CNTNAP2: variants seen among roughly 807,000 people sequenced by gnomAD.
The protein encoded by CNTNAP2 is contactin associated protein 2, also known as contactin-associated protein-like 2.
Under a neutral mutation model 155.2 loss-of-function variants are expected in CNTNAP2, and 98 were observed. The observed-to-expected ratio is 0.63, with a 90% CI of 0.54 to 0.75. The LOEUF is 0.75. CNTNAP2 is among the 30% of genes least tolerant of loss of function. The probability of loss-of-function intolerance (pLI) is 0.00; values close to 1 mark genes in which losing one functional copy is unlikely to be tolerated. For synonymous variants in CNTNAP2, 651 were observed against 631.2 expected (o/e 1.03, Z -0.47); for missense variants, 1,727 against 1,688.1 (o/e 1.02, Z -0.40).
chr7:147,921,629 T>C (rs564654181), intron 14 of CNTNAP2, among the ~76,000 whole-genome samples: 17 of 152,328 alleles, frequency 1.1e-4, no homozygotes, highest in Admixed American at 3.9e-4. Flanking sequence ...CCTGCTATTA[T>C]CATCTTTAGG....
intron 13 of CNTNAP2, among the ~76,000 whole-genome samples, chr7:147,648,982 C>T (rs1157053781): frequency 2.0e-5 from 3 of 152,186 alleles, no homozygotes; most frequent in Non-Finnish European, 2.9e-5. Context: ...TCTTCAACCA[C>T]TATGAAAGAA....
chr7:147,533,114 C>T (rs1799471820), intron 11 of CNTNAP2, among the ~76,000 whole-genome samples: 1 of 152,162 alleles, frequency 6.6e-6, no homozygotes, highest in African/African-American at 2.4e-5. Flanking sequence ...TGTAAGAGAA[C>T]ACATAGATTA....
At chr7:147,276,224 A>T (rs1310536690) in intron 8 of CNTNAP2, among the ~76,000 whole-genome samples, 40 of 148,012 alleles carry the variant, frequency 2.7e-4, no homozygotes, top group Admixed American at 2.6e-3. Flanking sequence ...CTCCTCCTTA[A>T]TTTTTTTTTT....
intron 3 of CNTNAP2, among the ~76,000 whole-genome samples, chr7:146,890,820 A>G (rs1795759529): frequency 6.6e-6 from 1 of 152,154 alleles, no homozygotes; most frequent in Admixed American, 6.6e-5. Context: ...TGTAACTATG[A>G]TCATACATCA....
At chr7:146,866,849 AG>A (rs1223863310) in intron 3 of CNTNAP2, among the ~76,000 whole-genome samples, 1 of 152,166 alleles carries the variant, frequency 6.6e-6, no homozygotes, top group African/African-American at 2.4e-5. Flanking sequence ...ACCTGATAAA[AG>A]TAAACAAGAT....
chr7:146,212,444 G>GT (rs991035516), intron 1 of CNTNAP2, among the ~76,000 whole-genome samples: 1 of 152,064 alleles, frequency 6.6e-6, no homozygotes, highest in Non-Finnish European at 1.5e-5. Flanking sequence ...TTCAGCCCAG[G>GT]TATGTACCCT....
intron 18 of CNTNAP2, among the ~76,000 whole-genome samples, chr7:148,216,619 A>G (rs933199664): frequency 6.6e-6 from 1 of 152,130 alleles, no homozygotes; most frequent in African/African-American, 2.4e-5. Flanking sequence ...GAGTACATGA[A>G]ATTTTTTTCA....
chr7:147,801,337 T>G (rs1421500370), intron 13 of CNTNAP2, among the ~76,000 whole-genome samples: 1 of 150,982 alleles, frequency 6.6e-6, no homozygotes, highest in East Asian at 1.9e-4. Context: ...ATTTTTTTTT[T>G]TTTTTATTGA....
intron 1 of CNTNAP2, among the ~76,000 whole-genome samples, chr7:146,759,257 T>A (rs544802419): frequency 6.6e-6 from 1 of 152,300 alleles, no homozygotes; most frequent in African/African-American, 2.4e-5. Context: ...ATTTCTTTAC[T>A]GGTGAAATAC....
At chr7:146,796,631 G>A (rs1802773868) in intron 2 of CNTNAP2, among the ~76,000 whole-genome samples, 1 of 152,010 alleles carries the variant, frequency 6.6e-6, no homozygotes, top group South Asian at 2.1e-4. Context: ...TTAGAGGGCC[G>A]ACTATGACTT....
At chr7:147,165,337 G>A (rs897955731) in intron 8 of CNTNAP2, among the ~76,000 whole-genome samples, 5 of 151,852 alleles carry the variant, frequency 3.3e-5, no homozygotes, top group Admixed American at 3.3e-4. Context: ...TCTACTTTTT[G>A]ATGGGATTGT....
chr7:147,346,878 A>G lies in CNTNAP2; in HGVS notation c.1498+46588A>G, dbSNP rs113000279. Among the ~76,000 whole-genome samples the G allele has an allele frequency of 1.5e-3, 231 of 152,124 alleles. 2 individuals are homozygous for G. The highest frequency in any genetic ancestry group is 5.3e-3 in the African/African-American group (221 of 41,504). ...GCTCCATTGCTGTACCATTGCTTTT[A>G]TCACTTTTTTCTCAAACATGTTACT... On this transcript the variant is annotated intron_variant, in intron 9 of 23. Coordinates refer to ENST00000361727, the MANE Select transcript of CNTNAP2 (RefSeq NM_014141.6).
intron 1 of CNTNAP2, among the ~76,000 whole-genome samples, chr7:146,755,005 T>C (rs560354223): frequency 2.7e-4 from 41 of 151,866 alleles, no homozygotes; most frequent in Non-Finnish European, 5.7e-4. Flanking sequence ...CCATTGTATA[T>C]GGATTATTAG....
intron 10 of CNTNAP2, among the ~76,000 whole-genome samples, chr7:147,465,950 A>G (rs1242221004): frequency 2.6e-5 from 4 of 152,034 alleles, no homozygotes; most frequent in East Asian, 1.9e-4. Context: ...GTGTAGCTCA[A>G]TGTAAACATT....
At chr7:146,889,452 C>G (rs1442155104) in intron 3 of CNTNAP2, among the ~76,000 whole-genome samples, 1 of 152,066 alleles carries the variant, frequency 6.6e-6, no homozygotes, top group Admixed American at 6.6e-5. Flanking sequence ...AGTCATTCAT[C>G]TGTAAACAGT....
In CNTNAP2 at chr7:148,243,795, A is replaced by G. The variant is rs201209393; in HGVS notation, c.3381+14016A>G. 7.6e-4 allele frequency among the ~76,000 whole-genome samples: 115 copies of G among 152,242 alleles called. 2 individuals carry two copies. The East Asian group carries it at 0.019, about 25-fold the overall frequency. ...AATGTAATGTCAACTAAAGACAAAA[A>G]AAAAAGAAAAAAGAAAAAAAAAACT... On this transcript the variant is annotated intron_variant, in intron 20 of 23. Coordinates refer to ENST00000361727, the MANE Select transcript of CNTNAP2 (RefSeq NM_014141.6).
rs1158323358 is a variant in CNTNAP2 at position 147,924,736 on chromosome 7, T to G, written c.2255+21015T>G. 5.3e-5 allele frequency among the ~76,000 whole-genome samples: 8 copies of G among 152,132 alleles called. No individual in the cohort carries two copies. In the East Asian group the frequency reaches 1.6e-3, roughly 30 times the overall value. ...AGAAAGGTGAAAGATGTAAGCCCAG[T>G]CTTAGACTGTCCTTGTGCAGAGTAT... is the stretch of plus-strand genomic sequence containing the variant. On this transcript the variant is annotated intron_variant, in intron 14 of 23. Transcript: ENST00000361727.
chr7:147,375,741 A>G (rs1796422976), intron 9 of CNTNAP2, among the ~76,000 whole-genome samples: 1 of 152,072 alleles, frequency 6.6e-6, no homozygotes, highest in South Asian at 2.1e-4. Context: ...GGACTTCATT[A>G]TCTTTAAAAA....
chr7:147,927,973 C>T (rs187816148), intron 14 of CNTNAP2, among the ~76,000 whole-genome samples: 50 of 152,264 alleles, frequency 3.3e-4, no homozygotes, highest in African/African-American at 1.2e-3. Flanking sequence ...TCCATAATTC[C>T]CACATGTGGT....
Sources: gnomAD v4.1 joint callset for allele counts (sites outside exome capture counted in the v4.1 genomes callset) on GRCh38, gnomAD v4.1.1 for gene constraint, MANE v1.5 for transcripts, NCBI Gene and HGNC (gene_info 2026-07-23, HGNC 2026-07-21) for gene names.